Variants in MLXIP observed in about 807,000 individuals in gnomAD.
The protein encoded by MLXIP is MLX-interacting protein.
MLXIP carries 30 observed loss-of-function variants against 87.2 expected under a neutral mutation model. The observed-to-expected ratio is 0.34, with a 90% CI of 0.26 to 0.47. The LOEUF (loss-of-function observed/expected upper bound fraction) is 0.47, where lower values mean the gene tolerates loss of function less well. Ranked by LOEUF, MLXIP falls within the 20% of genes least tolerant of loss-of-function variation. MLXIP has a pLI of 1.00. For missense variants in MLXIP, 1,002 were observed against 1,240.1 expected (o/e 0.81, Z 2.88); for synonymous variants, 530 against 514.0 (o/e 1.03, Z -0.42).
In MLXIP at chr12:122,135,042, T is replaced by C. The variant is rs1593114643; in HGVS notation, c.1733-182T>C. ...AACATGGTCCTGGCCATCTCTTTCCTGGGTCTATAACATGTCTCCTTCAAG... is the reference window on the plus strand; with the variant it reads ...AACATGGTCCTGGCCATCTCTTTCCCGGGTCTATAACATGTCTCCTTCAAG... On this transcript the variant is annotated intron_variant, in intron 9 of 16. Coordinates refer to ENST00000319080, the MANE Select transcript of MLXIP (RefSeq NM_014938.6). The surrounding 1 kb of genome is among the most constrained non-coding windows in gnomAD (Gnocchi z 5.3). The C allele has an allele frequency of 6.0e-6, 4 of 664,824 alleles. No individual in the cohort carries two copies. Among genetic ancestry groups the C allele is most frequent in the Non-Finnish European group, 1.1e-5 (4 of 380,422 alleles). 41.2% of individuals were successfully genotyped at this position (664,824 alleles called of 1,614,324 possible). A position where few individuals can be genotyped will look rare whatever the true frequency, so the allele number is the denominator to read the frequency against.
intron 5 of MLXIP, 125 bp downstream of exon 5, chr12:122,129,754 G>C: frequency 7.3e-7 from 1 of 1,365,694 alleles, no homozygotes; most frequent in Non-Finnish European, 1.0e-6. Context: ...CTCAGGAATG[G>C]CTCAAGAAGC....
Position 122,127,968 on chromosome 12 carries a change from G to A in MLXIP, c.606G>A (p.Glu202=). Residue 202 remains glutamate (E), a splice_region_variant and synonymous_variant, in exon 3 of 17, where the codon GAG becomes GAA. Transcript: ENST00000319080. ...ACGTAGACGAGCACCGCCGGCCGGA[G>A]GTACTTGGCAGTGACCAAGGGTGGC... ...SVDVDEHRRP[E]AITTEGKYWK... 1 of 1,613,154 alleles carries A rather than the reference G, an allele frequency of 6.2e-7. No homozygotes were observed.
chr12:122,092,365 C>T (rs948717435), intron 1 of MLXIP, among the ~76,000 whole-genome samples: 15 of 152,294 alleles, frequency 9.8e-5, no homozygotes, highest in Middle Eastern at 6.8e-3. Context: ...TCCCAAAGTG[C>T]TGGGATTACA....
chr12:122,104,807 C>CACCACTTTAGCCAGGATGGTCTTGATCTT, intron 1 of MLXIP, among the ~76,000 whole-genome samples: 1 of 151,704 alleles, frequency 6.6e-6, no homozygotes, highest in South Asian at 2.1e-4. Flanking sequence ...GTCTTGATCT[C>CACCACTTTAGCCAGGATGGTCTTGATCTT]CTGACCTTGT....
chr12:122,106,682 A>G (rs1218609675), intron 1 of MLXIP, among the ~76,000 whole-genome samples: 2 of 140,426 alleles, frequency 1.4e-5, no homozygotes, highest in Non-Finnish European at 3.0e-5. Context: ...GCTCACTGCA[A>G]CCTCCGCCTC....
rs543647839 is a variant in MLXIP, at chr12:122,133,061, T to A, written c.1093-287T>A. On this transcript the variant is annotated intron_variant, in intron 8 of 16. Transcript: ENST00000319080. This position sits in a 1 kb window ranked among gnomAD's most constrained non-coding sequence, Gnocchi z 4.9. ...AAGATGGCAGAGACTTTGGGGAGAC[T>A]CTGCTGGACTCCAGAAACAAGATAT... 2.8e-6 allele frequency: 1 copy of A among 359,512 alleles called. No homozygotes were observed. Among genetic ancestry groups the A allele is most frequent in the East Asian group, 4.3e-5 (1 of 23,100 alleles). 22.3% of individuals were successfully genotyped at this position (359,512 alleles called of 1,614,324 possible). A position where few individuals can be genotyped will look rare whatever the true frequency, so the allele number is the denominator to read the frequency against.
intron 1 of MLXIP, among the ~76,000 whole-genome samples, chr12:122,113,965 G>A (rs1302176669): frequency 2.7e-5 from 4 of 149,562 alleles, no homozygotes; most frequent in Non-Finnish European, 3.0e-5. Flanking sequence ...GATTACAGGC[G>A]TGAGCCACTG....
chr12:122,109,107 ATTT>A (rs1952564154), intron 1 of MLXIP, among the ~76,000 whole-genome samples: 1 of 152,128 alleles, frequency 6.6e-6, no homozygotes, highest in African/African-American at 2.4e-5. Flanking sequence ...TAATTTTTGT[ATTT>A]TTAGTAGAGA....
intron 1 of MLXIP, among the ~76,000 whole-genome samples, chr12:122,124,957 A>G (rs186914138): frequency 1.5e-3 from 234 of 152,338 alleles, no homozygotes; most frequent in African/African-American, 5.1e-3. Context: ...AGCTGAGGTC[A>G]GGAGTTCCAG....
At position 122,138,910 on chromosome 12, in the gene MLXIP, G is replaced by A. The variant is rs968950565; in HGVS notation, c.2480G>A (p.Arg827Gln). The A allele has an allele frequency of 4.3e-5, 70 of 1,613,938 alleles. No homozygotes were observed. Among genetic ancestry groups the A allele is most frequent in the East Asian group, 6.7e-5 (3 of 44,898 alleles). Residue 827 changes from arginine to glutamine, a missense_variant, in exon 15 of 17, where the codon CGG becomes CAG. Arg to Gln is a conservative substitution (Grantham distance 43, BLOSUM62 1). Coordinates refer to ENST00000319080, the MANE Select transcript of MLXIP (RefSeq NM_014938.6). ...ATGTTTGACGAATACGTGAAAACCC[G>A]GACCTTGCAGAATTGGAAGTTCTGG... The part of the protein sequence containing the change: ...KDMFDEYVKT[R>Q]TLQNWKFWIF...
chr12:122,130,250 A>G (rs1175245010), intron 6 of MLXIP, 138 bp downstream of exon 6: 1 of 910,444 alleles, frequency 1.1e-6, no homozygotes, highest in African/African-American at 1.7e-5. Context: ...AAGGAAGGGA[A>G]GGATGGCTGG....
At chr12:122,099,048 G>A (rs1952397564) in intron 1 of MLXIP, among the ~76,000 whole-genome samples, 1 of 152,154 alleles carries the variant, frequency 6.6e-6, no homozygotes, top group African/African-American at 2.4e-5. Context: ...GACCAGCCTG[G>A]GCAACATAGC....
intron 1 of MLXIP, 39 bp downstream of exon 1, chr12:122,079,305 G>T (rs1307559855): frequency 6.5e-7 from 1 of 1,531,792 alleles, no homozygotes; most frequent in Non-Finnish European, 8.8e-7. Flanking sequence ...CCGGCCGGAG[G>T]CCCTTGTTTG....
rs78812639 is a variant in MLXIP, at chr12:122,081,427, G to C, written c.413+2161G>C. On this transcript the variant is annotated intron_variant, in intron 1 of 16. Coordinates refer to ENST00000319080, the MANE Select transcript of MLXIP (RefSeq NM_014938.6). Reference sequence around the variant, plus strand: ...CAAATGACTCAAAACCAGTTGTCTGGGCTGTAGTCTGTGGCACAGAAAGAA... The same window carrying C: ...CAAATGACTCAAAACCAGTTGTCTGCGCTGTAGTCTGTGGCACAGAAAGAA... Among the ~76,000 whole-genome samples the C allele has an allele frequency of 2.1e-3, 319 of 152,282 alleles. 10 individuals are homozygous for C. The East Asian group carries it at 0.057, about 27-fold the overall frequency.
At chr12:122,110,912 C>T (rs1018830378) in intron 1 of MLXIP, among the ~76,000 whole-genome samples, 1 of 151,960 alleles carries the variant, frequency 6.6e-6, no homozygotes, top group African/African-American at 2.4e-5. Context: ...CCCGTCTCTA[C>T]TAAAAATACA....
intron 1 of MLXIP, among the ~76,000 whole-genome samples, chr12:122,091,727 C>T (rs1422659343): frequency 6.6e-6 from 1 of 152,136 alleles, no homozygotes; most frequent in East Asian, 1.9e-4. Flanking sequence ...AAACCGTAAG[C>T]ATCAACTGCA....
chr12:122,129,677 G>T, intron 5 of MLXIP, 48 bp downstream of exon 5: 1 of 1,604,750 alleles, frequency 6.2e-7, no homozygotes, highest in Non-Finnish European at 8.5e-7. Flanking sequence ...ACATGAGACA[G>T]CAGGGACTTC....
At position 122,132,288 on chromosome 12, in the gene MLXIP, T is replaced by A; in HGVS notation, c.1001-4T>A. ...CTCAGAAGACCCCTGCTGTTGTTTT[T>A]CAGACCTCTTCTCTTCTAGCCGCTC... On this transcript the variant is annotated splice_region_variant and splice_polypyrimidine_tract_variant and intron_variant, in intron 7 of 16. Coordinates refer to ENST00000319080, the MANE Select transcript of MLXIP (RefSeq NM_014938.6). The A allele has an allele frequency of 6.2e-7, 1 of 1,608,522 alleles. No individual in the cohort carries two copies. The highest frequency in any genetic ancestry group is 8.5e-7 in the Non-Finnish European group (1 of 1,177,052).
intron 1 of MLXIP, among the ~76,000 whole-genome samples, chr12:122,109,537 CAA>C (rs1185741888): frequency 1.3e-5 from 2 of 152,194 alleles, no homozygotes; most frequent in African/African-American, 4.8e-5. Context: ...GGAATGCTGA[CAA>C]AGATGTAATC....
Sources: gnomAD v4.1 joint callset for allele counts (sites outside exome capture counted in the v4.1 genomes callset) on GRCh38, gnomAD v4.1.1 for gene constraint, Gnocchi (gnomAD v3.1) non-coding constraint, MANE v1.5 for transcripts, NCBI Gene and HGNC (gene_info 2026-07-23, HGNC 2026-07-21) for gene names.